ACSF3: variants seen among roughly 807,000 people sequenced by gnomAD.
ACSF3 encodes the protein acyl-CoA synthetase family member 3.
ACSF3 carries 78 observed loss-of-function variants against 53.2 expected under a neutral mutation model. The ratio of observed to expected loss-of-function variants is 1.47; its 90% CI spans 1.22 to 1.77. ACSF3 has a LOEUF of 1.77. Ranked by LOEUF, ACSF3 falls within the 40% of genes most tolerant of loss-of-function variation. ACSF3 has a pLI of 0.00. For synonymous variants in ACSF3, 414 were observed against 333.1 expected, an observed-to-expected ratio of 1.24 and a Z score of -2.65; for missense variants, 937 against 771.1, an observed-to-expected ratio of 1.22 and a Z score of -2.55.
intron 4 of ACSF3, among the ~76,000 whole-genome samples, chr16:89,108,262 A>G (rs530592120): frequency 1.0e-3 from 152 of 152,236 alleles, no homozygotes; most frequent in Middle Eastern, 6.8e-3. Flanking sequence ...TAAATTCCCC[A>G]CATGTCTCCT....
chr16:89,143,882 G>A (rs1468389779), intron 8 of ACSF3, among the ~76,000 whole-genome samples: 1 of 79,820 alleles, frequency 1.3e-5, no homozygotes, highest in African/African-American at 5.8e-5. Context: ...GTGGTGAGGT[G>A]GATGGATGGG....
chr16:89,111,695 C>T (rs1452776919), intron 4 of ACSF3, among the ~76,000 whole-genome samples: 2 of 152,226 alleles, frequency 1.3e-5, no homozygotes, highest in Admixed American at 6.5e-5. Context: ...AGACTTCACC[C>T]GTTCGCTAGT....
chr16:89,127,130 CTGAG>C (rs147082842), intron 7 of ACSF3, among the ~76,000 whole-genome samples: 5,781 of 152,058 alleles, frequency 0.038, 190 homozygotes, highest in East Asian at 0.14. Flanking sequence ...TAGCATATTG[CTGAG>C]TATTTTTGCA....
Position 89,130,532 on chromosome 16 carries a change from C to G in ACSF3, c.1240-2604C>G, listed in dbSNP as rs112466682. Among the ~76,000 whole-genome samples, 57 of 152,280 alleles carry G rather than the reference C, an allele frequency of 3.7e-4. 1 individual carries two copies. Among genetic ancestry groups the G allele is most frequent in the African/African-American group, 1.3e-3 (54 of 41,540 alleles). On this transcript the variant is annotated intron_variant, in intron 7 of 10. Coordinates refer to ENST00000614302, the MANE Select transcript of ACSF3 (RefSeq NM_001243279.3). ...GAGGTTGCAGTAAGCCGAGATCATG[C>G]CATTGCACTCCAGCCTGGGTGACAG...
intron 8 of ACSF3, among the ~76,000 whole-genome samples, chr16:89,137,082 A>G (rs1422646712): frequency 1.3e-5 from 2 of 152,114 alleles, no homozygotes; most frequent in Non-Finnish European, 2.9e-5. Context: ...ATGCGGGAGC[A>G]GCAGCAGCAG....
At chr16:89,153,836 A>G in intron 10 of ACSF3, 2 of 543,108 alleles carry the variant, frequency 3.7e-6, no homozygotes, top group East Asian at 6.5e-5. Context: ...CCCTCGCCCA[A>G]GGCCTGCACG....
At chr16:89,126,999 ACTTTT>A (rs59146694) in intron 7 of ACSF3, among the ~76,000 whole-genome samples, 101,609 of 151,838 alleles carry the variant, frequency 0.67, 34,827 homozygotes, top group Middle Eastern at 0.75. Flanking sequence ...GTATTGATGG[ACTTTT>A]CTTTATTAGG....
At chr16:89,146,343 A>G (rs571285741) in intron 10 of ACSF3, among the ~76,000 whole-genome samples, 4 of 152,200 alleles carry the variant, frequency 2.6e-5, no homozygotes, top group East Asian at 3.9e-4. Flanking sequence ...TGGTCCCAGG[A>G]GAGATCCCGG....
intron 7 of ACSF3, among the ~76,000 whole-genome samples, chr16:89,123,624 A>G (rs749306253): frequency 4.6e-5 from 7 of 152,164 alleles, no homozygotes; most frequent in African/African-American, 7.2e-5. Flanking sequence ...AGGCCTGTGG[A>G]GTGACTCATG....
Position 89,101,111 on chromosome 16 carries a change from T to A in ACSF3, c.430T>A (p.Ser144Thr), listed in dbSNP as rs770510583. 6.2e-7 allele frequency: 1 copy of A among 1,614,022 alleles called. No individual in the cohort carries two copies. The highest frequency in any genetic ancestry group is 8.5e-7 in the Non-Finnish European group (1 of 1,180,012). ...LEYVICDSQS[S>T]VVLASQEYLE... ...GTATGTCATCTGCGACTCCCAGAGC[T>A]CTGTGGTCCTTGCCAGCCAGGAGTA... Residue 144 changes from serine (S) to threonine (T), a missense_variant, in exon 3 of 11, where the codon TCT (serine) becomes ACT (threonine). Ser to Thr is a moderately conservative substitution (Grantham distance 58). Coordinates refer to ENST00000614302, the MANE Select transcript of ACSF3 (RefSeq NM_001243279.3).
chr16:89,137,011 G>T (rs529017068), intron 8 of ACSF3, among the ~76,000 whole-genome samples: 1 of 152,180 alleles, frequency 6.6e-6, no homozygotes, highest in Non-Finnish European at 1.5e-5. Flanking sequence ...AGACACACGC[G>T]CACATTTGCC....
intron 9 of ACSF3, among the ~76,000 whole-genome samples, chr16:89,145,644 C>T (rs979857053): frequency 1.3e-5 from 2 of 152,208 alleles, no homozygotes; most frequent in Non-Finnish European, 2.9e-5. Flanking sequence ...GGCGCAGCTC[C>T]CATCTGCATG....
In ACSF3 at chr16:89,153,593, C is replaced by T. The variant is rs117977468; in HGVS notation, c.1614-497C>T. The T allele has an allele frequency of 3.9e-4, 88 of 228,390 alleles. 1 individual carries two copies. In the East Asian group the frequency reaches 8.3e-3, roughly 22 times the overall value. The allele number at this position is 228,390 out of a possible 1,614,324, so 14.1% of individuals were successfully genotyped here. On this transcript the variant is annotated intron_variant, in intron 10 of 10. Coordinates refer to ENST00000614302, the MANE Select transcript of ACSF3 (RefSeq NM_001243279.3). ...CTCTTGCCACATAGGCTTGTGTCTG[C>T]AGGACTGTGCGGCATTTACTCCCAT...
At chr16:89,151,561 A>G (rs1914082217) in intron 10 of ACSF3, 1 of 232,522 alleles carries the variant, frequency 4.3e-6, no homozygotes, top group South Asian at 5.4e-5. Flanking sequence ...TAAGCCAGGA[A>G]TAGAGGGTTA....
At chr16:89,116,228 C>A (rs895104524) in intron 6 of ACSF3, among the ~76,000 whole-genome samples, 1 of 152,238 alleles carries the variant, frequency 6.6e-6, no homozygotes, top group African/African-American at 2.4e-5. Context: ...CCCTTTGGAT[C>A]TTTGTTGAAA....
intron 8 of ACSF3, among the ~76,000 whole-genome samples, chr16:89,141,697 T>C (rs996519167): frequency 4.6e-5 from 7 of 152,046 alleles, no homozygotes; most frequent in African/African-American, 1.7e-4. Context: ...CAGGCAGCAG[T>C]GAGGATGGGG....
At chr16:89,097,158 G>A (rs1417423902) in intron 1 of ACSF3, among the ~76,000 whole-genome samples, 1 of 152,236 alleles carries the variant, frequency 6.6e-6, no homozygotes, top group Non-Finnish European at 1.5e-5. Context: ...TGTGTGCTCA[G>A]CGTGTGGTTA....
At chr16:89,124,836 G>T (rs2151492479) in intron 7 of ACSF3, among the ~76,000 whole-genome samples, 1 of 152,316 alleles carries the variant, frequency 6.6e-6, no homozygotes, top group Admixed American at 6.5e-5. Context: ...GCATTGCATT[G>T]CCATTGCCAC....
In ACSF3 at chr16:89,115,340, G is replaced by A. The variant is rs137890476; in HGVS notation, c.1126+853G>A. ...AGTGCTCAGCACCTCCTCCACCCCCGAGGCCTGGCCCCTTGTTCCTGTTTC... is the reference window on the plus strand; with the variant it reads ...AGTGCTCAGCACCTCCTCCACCCCCAAGGCCTGGCCCCTTGTTCCTGTTTC... On this transcript the variant is annotated intron_variant, in intron 6 of 10. Coordinates refer to ENST00000614302, the MANE Select transcript of ACSF3 (RefSeq NM_001243279.3). 668 of 152,490 alleles carry A rather than the reference G, an allele frequency of 4.4e-3. 2 individuals are homozygous for A. The highest frequency in any genetic ancestry group is 7.3e-3 in the Non-Finnish European group (498 of 68,166). The allele number at this position is 152,490 out of a possible 1,614,324, so 9.4% of individuals were successfully genotyped here. A position where few individuals can be genotyped will look rare whatever the true frequency, so the allele number is the denominator to read the frequency against.
Sources: allele counts gnomAD v4.1 joint callset (sites outside exome capture counted in the v4.1 genomes callset), GRCh38; gene constraint gnomAD v4.1.1; transcripts MANE v1.5; gene names NCBI Gene and HGNC (gene_info 2026-07-23, HGNC 2026-07-21).